Variants in MYO1E observed in about 807,000 individuals in gnomAD.
The protein encoded by MYO1E is myosin IE.
A neutral mutation model predicts 151.1 loss-of-function variants in MYO1E; 68 were observed. The observed-to-expected ratio is 0.45, with a 90% CI of 0.37 to 0.55. The LOEUF (loss-of-function observed/expected upper bound fraction) is 0.55, where lower values mean the gene tolerates loss of function less well. MYO1E is among the 20% of genes least tolerant of loss of function. MYO1E has a pLI of 0.00. For synonymous variants in MYO1E, 601 were observed against 501.7 expected (o/e 1.20, Z -2.64); for missense variants, 1,363 against 1,389.3 (o/e 0.98, Z 0.30).
chr15:59,301,759 TA>T (rs1432097391), intron 1 of MYO1E, among the ~76,000 whole-genome samples: 1 of 152,210 alleles, frequency 6.6e-6, no homozygotes, highest in African/African-American at 2.4e-5. Context: ...TGCGACTTAC[TA>T]CTGGCTGGGT....
chr15:59,145,936 C>T (rs1841711985), intron 26 of MYO1E, among the ~76,000 whole-genome samples: 1 of 152,218 alleles, frequency 6.6e-6, no homozygotes, highest in South Asian at 2.1e-4. Context: ...ATCCTACCAT[C>T]CTACCATCCT....
intron 1 of MYO1E, among the ~76,000 whole-genome samples, chr15:59,303,315 T>G (rs2080494444): frequency 6.6e-6 from 1 of 152,004 alleles, no homozygotes; most frequent in Admixed American, 6.6e-5. Context: ...CTTGGGAGCC[T>G]GAGATGGGAG....
chr15:59,333,049 T>A (rs2080707379), intron 1 of MYO1E, among the ~76,000 whole-genome samples: 1 of 152,162 alleles, frequency 6.6e-6, no homozygotes, highest in South Asian at 2.1e-4. Context: ...CTTGATCGTC[T>A]TATTTATCTG....
chr15:59,173,087 G>C (rs747537159), intron 21 of MYO1E, among the ~76,000 whole-genome samples: 11 of 152,210 alleles, frequency 7.2e-5, no homozygotes, highest in Non-Finnish European at 1.2e-4. Context: ...TCTAAAGGAG[G>C]AGGTGAAAAA....
intron 1 of MYO1E, among the ~76,000 whole-genome samples, chr15:59,325,870 T>C (rs1232668768): frequency 3.3e-5 from 5 of 152,124 alleles, no homozygotes; most frequent in African/African-American, 1.2e-4. Flanking sequence ...ATGCGGGACA[T>C]GGATTGACTC....
At chr15:59,196,986 CTTTTTT>C (rs71977305) in intron 16 of MYO1E, among the ~76,000 whole-genome samples, 1,666 of 71,528 alleles carry the variant, frequency 0.023, 26 homozygotes, top group African/African-American at 0.079. Flanking sequence ...TTAATTACGA[CTTTTTT>C]TTTTTTTTTT....
At chr15:59,138,395 TG>T in intron 26 of MYO1E, 28 bp from the exon 27 acceptor site, 2 of 1,612,988 alleles carry the variant, frequency 1.2e-6, no homozygotes, top group Non-Finnish European at 1.7e-6. Context: ...CAGATGAGAC[TG>T]GGCCCCAACA....
intron 26 of MYO1E, among the ~76,000 whole-genome samples, chr15:59,142,497 G>A (rs1168222822): frequency 6.6e-6 from 1 of 152,196 alleles, no homozygotes; most frequent in Non-Finnish European, 1.5e-5. Context: ...CTTTGACTAA[G>A]ACCTGTTTCT....
At chr15:59,351,232 A>G (rs1328898465) in intron 1 of MYO1E, among the ~76,000 whole-genome samples, 1 of 152,162 alleles carries the variant, frequency 6.6e-6, no homozygotes, top group African/African-American at 2.4e-5. Flanking sequence ...GATGAACAGG[A>G]AAAAAGGGAA....
chr15:59,153,053 G>A (rs2079490855), intron 26 of MYO1E, among the ~76,000 whole-genome samples: 1 of 152,124 alleles, frequency 6.6e-6, no homozygotes, highest in South Asian at 2.1e-4. Flanking sequence ...CAGAGTTTCA[G>A]GAATCTTCAC....
intron 1 of MYO1E, among the ~76,000 whole-genome samples, chr15:59,275,828 A>C (rs777811019): frequency 6.6e-6 from 1 of 152,238 alleles, no homozygotes; most frequent in Non-Finnish European, 1.5e-5. Context: ...CCCTCAGCCC[A>C]GCCAGGGAAG....
At chr15:59,280,345 C>T (rs1490060148) in intron 1 of MYO1E, among the ~76,000 whole-genome samples, 1 of 152,154 alleles carries the variant, frequency 6.6e-6, no homozygotes, top group Non-Finnish European at 1.5e-5. Flanking sequence ...TTATAATCAA[C>T]TGGACGCAGC....
Position 59,136,889 on chromosome 15 carries a change from G to A in MYO1E, c.*491C>T, listed in dbSNP as rs1383912818. The A allele has an allele frequency of 1.7e-5, 7 of 402,496 alleles. No homozygotes were observed. Among genetic ancestry groups the A allele is most frequent in the South Asian group, 7.1e-5 (4 of 56,626 alleles). The allele number at this position is 402,496 out of a possible 1,614,324, so 24.9% of individuals were successfully genotyped here. A position where few individuals can be genotyped will look rare whatever the true frequency, so the allele number is the denominator to read the frequency against. ...ACGTACATGGGAAGTGCCTGCTCAC[G>A]CTAAGCCCAGTCTGCAGAGGGCGGG... is the stretch of plus-strand genomic sequence containing the variant. On this transcript the variant is annotated 3_prime_UTR_variant, in exon 28 of 28. Transcript: ENST00000288235.
intron 5 of MYO1E, among the ~76,000 whole-genome samples, chr15:59,236,369 T>TATATATATACAC (rs1392466770): frequency 1.7e-5 from 2 of 117,740 alleles, no homozygotes; most frequent in African/African-American, 6.5e-5. Context: ...AAAAAATATA[T>TATATATATACAC]ACACACACAC....
chr15:59,340,224 C>T (rs905113653), intron 1 of MYO1E, among the ~76,000 whole-genome samples: 2 of 151,944 alleles, frequency 1.3e-5, no homozygotes, highest in Admixed American at 6.6e-5. Flanking sequence ...GCATGAGGAT[C>T]GCTTGAACCC....
intron 14 of MYO1E, chr15:59,207,565 G>A (rs754711270): frequency 6.2e-7 from 1 of 1,614,076 alleles, no homozygotes; most frequent in Admixed American, 1.7e-5. Flanking sequence ...CCGTATTATT[G>A]GAAGCGGCTG....
chr15:59,236,981 A>G (rs1015882407), intron 4 of MYO1E, among the ~76,000 whole-genome samples: 1 of 152,254 alleles, frequency 6.6e-6, no homozygotes, highest in Non-Finnish European at 1.5e-5. Flanking sequence ...GAGTATCACA[A>G]GGGTGGAATT....
rs1260204153 is a variant in MYO1E, at chr15:59,220,895, G to A, written c.910+2164C>T. Among the ~76,000 whole-genome samples, 24 of 123,590 alleles carry A rather than the reference G, an allele frequency of 1.9e-4. No individual in the cohort carries two copies. The Admixed American group carries it at 2.2e-3, about 11-fold the overall frequency. 81.1% of individuals were successfully genotyped at this position (123,590 alleles called of 152,430 possible). On this transcript the variant is annotated intron_variant, in intron 9 of 27. Transcript: ENST00000288235. ...ACTTAAGGCCAGAAATTCGAGACCA[G>A]CCCTGGCAACTAAGCAAGACCCCAT...
intron 25 of MYO1E, among the ~76,000 whole-genome samples, chr15:59,157,420 T>C (rs2079515260): frequency 6.6e-6 from 1 of 152,144 alleles, no homozygotes; most frequent in African/African-American, 2.4e-5. Context: ...TTATCCATGA[T>C]TTTGCTTTCC....
Sources: allele counts gnomAD v4.1 joint callset (sites outside exome capture counted in the v4.1 genomes callset), GRCh38; gene constraint gnomAD v4.1.1; transcripts MANE v1.5; gene names NCBI Gene and HGNC (gene_info 2026-07-23, HGNC 2026-07-21).